The following ANKRD27 variants were observed in gnomAD, a reference collection of about 807,000 sequenced individuals.
ANKRD27 encodes the protein ankyrin repeat domain 27.
Under a neutral mutation model 129.7 loss-of-function variants are expected in ANKRD27, and 112 were observed. The observed-to-expected ratio is 0.86, with a 90% confidence interval of 0.74 to 1.01. The LOEUF is 1.01. Ranked by LOEUF, ANKRD27 falls within the 50% of genes least tolerant of loss-of-function variation. The pLI is 0.00. For synonymous variants in ANKRD27, 516 were observed against 511.2 expected (o/e 1.01, Z -0.13); for missense variants, 1,258 against 1,300.5 (o/e 0.97, Z 0.50).
intron 2 of ANKRD27, among the ~76,000 whole-genome samples, chr19:32,650,577 C>T (rs913741931): frequency 6.6e-6 from 1 of 151,616 alleles, no homozygotes; most frequent in Non-Finnish European, 1.5e-5. Flanking sequence ...ATCCCAGCTA[C>T]TCGGGAGGTT....
intron 23 of ANKRD27, among the ~76,000 whole-genome samples, chr19:32,606,939 CAAAAAAAAAAAAAAA>C (rs532062312): frequency 1.4e-4 from 9 of 65,648 alleles, no homozygotes; most frequent in East Asian, 5.8e-4. Context: ...CCCATCTCCA[CAAAAAAAAAAAAAAA>C]AAAAAAAAAA....
intron 16 of ANKRD27, among the ~76,000 whole-genome samples, 157 bp from the exon 17 acceptor site, chr19:32,626,123 A>G (rs1419018966): frequency 6.6e-6 from 1 of 152,206 alleles, no homozygotes; most frequent in Non-Finnish European, 1.5e-5. Flanking sequence ...GACACTTGAG[A>G]GACTGAAGAA....
intron 25 of ANKRD27, among the ~76,000 whole-genome samples, chr19:32,603,663 T>A (rs1599731863): frequency 6.6e-6 from 1 of 152,194 alleles, no homozygotes; most frequent in South Asian, 2.1e-4. Context: ...CTCAGCCTCC[T>A]GAGTAGCTGG....
chr19:32,620,868 ACAGC>A (rs1971998958), intron 18 of ANKRD27, among the ~76,000 whole-genome samples: 1 of 147,444 alleles, frequency 6.8e-6, no homozygotes, highest in African/African-American at 2.5e-5. Flanking sequence ...TTTGGGCAAT[ACAGC>A]CAAACCTTGT....
chr19:32,642,981 T>C, intron 9 of ANKRD27, 142 bp downstream of exon 9: 3 of 787,954 alleles, frequency 3.8e-6, no homozygotes, highest in Non-Finnish European at 6.2e-6. Context: ...CCTTTATCTT[T>C]GGTTGCAAGT....
chr19:32,624,039 C>T (rs1972052989), intron 17 of ANKRD27, among the ~76,000 whole-genome samples: 1 of 152,272 alleles, frequency 6.6e-6, no homozygotes, highest in Admixed American at 6.5e-5. Context: ...AGACCACTGA[C>T]ACAACACACG....
chr19:32,666,805 C>G (rs12052193), intron 1 of ANKRD27, among the ~76,000 whole-genome samples: 3,433 of 152,080 alleles, frequency 0.023, 67 homozygotes, highest in South Asian at 0.082. Context: ...CACTACCACT[C>G]CCGGCTAATT....
At chr19:32,643,695 A>T (rs914197249) in intron 5 of ANKRD27, 64 bp from the exon 6 acceptor site, 1 of 1,559,448 alleles carries the variant, frequency 6.4e-7, no homozygotes, top group East Asian at 2.2e-5. Flanking sequence ...GGGGAGCCGG[A>T]GCGGGTAAGG....
At chr19:32,643,093 A>G in intron 9 of ANKRD27, 30 bp downstream of exon 9, 1 of 1,610,208 alleles carries the variant, frequency 6.2e-7, no homozygotes, top group East Asian at 2.2e-5. Context: ...GCCTCTGAGG[A>G]CACCAAGCCG....
At chr19:32,643,042 G>GCC in intron 9 of ANKRD27, 81 bp downstream of exon 9, 2 of 1,379,176 alleles carry the variant, frequency 1.5e-6, no homozygotes, top group Non-Finnish European at 2.0e-6. Flanking sequence ...TGTCACCTCT[G>GCC]CCACCGAGAG....
intron 12 of ANKRD27, among the ~76,000 whole-genome samples, chr19:32,632,069 ACC>A: frequency 6.6e-6 from 1 of 152,162 alleles, no homozygotes; most frequent in Non-Finnish European, 1.5e-5. Flanking sequence ...TGAACGGATC[ACC>A]TGAGGTCAGG....
intron 22 of ANKRD27, among the ~76,000 whole-genome samples, chr19:32,610,899 G>A (rs1278559483): frequency 6.6e-6 from 1 of 152,070 alleles, no homozygotes; most frequent in African/African-American, 2.4e-5. Context: ...AGGATCACTT[G>A]AGCCCAGGAG....
chr19:32,643,602 G>C lies in ANKRD27; in HGVS notation c.555C>G (p.Cys185Trp). ...GAGAGTCCCTCAGAAGCTGCTGGAG[G>C]CATTTGGTGTAGAGAGCATTCGCTG... ...IDSANALYTK[C>W]LQQLLRDSHL... is the part of the protein sequence containing the mutation. The change falls in exon 6 of 29, where the codon TGC becomes TGG. Residue 185 changes from cysteine to tryptophan, a missense_variant. Cys to Trp is a radical substitution (Grantham distance 215). Coordinates refer to ENST00000306065, the MANE Select transcript of ANKRD27 (RefSeq NM_032139.3). The C allele has an allele frequency of 6.2e-7, 1 of 1,614,018 alleles. No homozygotes were observed.
At chr19:32,615,069 T>G (rs1166150249) in intron 22 of ANKRD27, among the ~76,000 whole-genome samples, 1 of 152,148 alleles carries the variant, frequency 6.6e-6, no homozygotes, top group Non-Finnish European at 1.5e-5. Flanking sequence ...AAGGAGACCC[T>G]TGAGCATCTG....
chr19:32,671,874 T>G (rs1332459856), intron 1 of ANKRD27, among the ~76,000 whole-genome samples: 1 of 152,220 alleles, frequency 6.6e-6, no homozygotes, highest in South Asian at 2.1e-4. Flanking sequence ...TTGAGTTAGC[T>G]GGAGATACCA....
At chr19:32,646,403 G>A in intron 4 of ANKRD27, 56 bp downstream of exon 4, 1 of 1,551,370 alleles carries the variant, frequency 6.4e-7, no homozygotes, top group Non-Finnish European at 8.7e-7. Flanking sequence ...TCAGGAACAA[G>A]TTCAACAAAC....
At chr19:32,648,803 A>G (rs1302994051) in intron 3 of ANKRD27, among the ~76,000 whole-genome samples, 1 of 152,036 alleles carries the variant, frequency 6.6e-6, no homozygotes, top group African/African-American at 2.4e-5. Flanking sequence ...CATCTCAAAA[A>G]AAAAAAAAAA....
chr19:32,638,553 G>A (rs1471115184), intron 12 of ANKRD27: 5 of 152,468 alleles, frequency 3.3e-5, no homozygotes, highest in African/African-American at 4.8e-5. Flanking sequence ...CATTGCAGGT[G>A]ACGAGAGGAG....
intron 12 of ANKRD27, among the ~76,000 whole-genome samples, chr19:32,632,975 C>T (rs1231241637): frequency 1.3e-5 from 2 of 152,184 alleles, no homozygotes; most frequent in East Asian, 1.9e-4. Flanking sequence ...CTGTGAGAGG[C>T]ACTTCTGCCC....
Sources: allele counts gnomAD v4.1 joint callset (sites outside exome capture counted in the v4.1 genomes callset), GRCh38; gene constraint gnomAD v4.1.1; transcripts MANE v1.5; gene names NCBI Gene and HGNC (gene_info 2026-07-23, HGNC 2026-07-21).